The following TRPV4 variants were observed in gnomAD, a reference collection of about 807,000 sequenced individuals.
TRPV4 encodes the protein OSM9-like transient receptor potential channel 4.
In TRPV4, 58 loss-of-function variants were observed where a neutral mutation model predicts 84.1. That is an observed-to-expected ratio of 0.69 (90% CI 0.56 to 0.86). The LOEUF (loss-of-function observed/expected upper bound fraction) is 0.86, where lower values mean the gene tolerates loss of function less well. TRPV4 is among the 40% of genes least tolerant of loss of function. TRPV4 has a pLI of 0.00. For synonymous variants in TRPV4, 489 were observed against 500.9 expected, an observed-to-expected ratio of 0.98 and a Z score of 0.32; for missense variants, 879 against 1,181.1, an observed-to-expected ratio of 0.74 and a Z score of 3.75.
In TRPV4 at chr12:109,786,703, G is replaced by C; in HGVS notation, c.2336+7C>G. 1 of 1,613,590 alleles carries C rather than the reference G, an allele frequency of 6.2e-7. No individual in the cohort carries two copies. The highest frequency in any genetic ancestry group is 8.5e-7 in the Non-Finnish European group (1 of 1,180,010). ...CTGCCATCCTGGCCCCACTGCCCCA[G>C]CCTCACCTGAAGCACCACCTGCGGT... On this transcript the variant is annotated splice_region_variant and intron_variant, in intron 14 of 15. Transcript: ENST00000261740. The surrounding 1 kb of genome is among the most constrained non-coding windows in gnomAD (Gnocchi z 4.5).
intron 1 of TRPV4, among the ~76,000 whole-genome samples, chr12:109,823,846 C>CAG (rs1892176664): frequency 6.6e-6 from 1 of 152,196 alleles, no homozygotes; most frequent in Non-Finnish European, 1.5e-5. Context: ...TGACCTCAGG[C>CAG]AGGTCACTTC....
chr12:109,805,181 T>G (rs1565876461), intron 3 of TRPV4, among the ~76,000 whole-genome samples: 1 of 152,278 alleles, frequency 6.6e-6, no homozygotes, highest in East Asian at 1.9e-4. Flanking sequence ...ATGTCTGCTT[T>G]GCTCACTATC....
At chr12:109,825,511 TG>T (rs1489073503) in intron 1 of TRPV4, among the ~76,000 whole-genome samples, 1 of 152,114 alleles carries the variant, frequency 6.6e-6, no homozygotes, top group African/African-American at 2.4e-5. Flanking sequence ...ATGATGACAT[TG>T]AGGTCCAGGG....
intron 1 of TRPV4, among the ~76,000 whole-genome samples, chr12:109,829,719 T>C (rs1892361024): frequency 6.6e-6 from 1 of 152,184 alleles, no homozygotes. Context: ...CAGGAGGAAA[T>C]GGAAGCCCAG....
chr12:109,793,599 A>G lies in TRPV4; in HGVS notation c.1586T>C (p.Ile529Thr), dbSNP rs976191720. 1.1e-5 allele frequency: 18 copies of G among 1,613,730 alleles called. No homozygotes were observed. The highest frequency in any genetic ancestry group is 1.4e-5 in the Non-Finnish European group (16 of 1,179,850). ...GCATTTCTTCATGAACAAGTCTTTG[A>G]TCTGGAAGACAGGAGGGGGCACGTG... is the stretch of plus-strand genomic sequence containing the variant. ...FTGVLFFFTN[I>T]KDLFMKKCPG... The change falls in exon 10 of 16, where the codon ATC becomes ACC. Residue 529 changes from isoleucine (I) to threonine (T), a missense_variant and splice_region_variant. This residue lies in a region of TRPV4 where 521 missense variants were observed against 686.6 expected (regional missense o/e 0.76). Coordinates refer to ENST00000261740, the MANE Select transcript of TRPV4 (RefSeq NM_021625.5). This position sits in a 1 kb window ranked among gnomAD's most constrained non-coding sequence, Gnocchi z 4.0.
rs1296310092 is a variant in TRPV4 at position 109,786,947 on chromosome 12, T to G, written c.2209-110A>C. ...CCAGGGTGGGCCCAGAACTAGGCAT[T>G]TAGACTCCTACTCCCCACTAGACAC... On this transcript the variant is annotated intron_variant, in intron 13 of 15. Coordinates refer to ENST00000261740, the MANE Select transcript of TRPV4 (RefSeq NM_021625.5). The surrounding 1 kb of genome is among the most constrained non-coding windows in gnomAD (Gnocchi z 4.5). 1.4e-5 allele frequency: 20 copies of G among 1,468,908 alleles called. No homozygotes were observed. The highest frequency in any genetic ancestry group is 1.8e-5 in the Admixed American group (1 of 54,438). The allele number at this position is 1,468,908 out of a possible 1,614,324, so 91.0% of individuals were successfully genotyped here.
chr12:109,822,815 A>G (rs1046177654), intron 1 of TRPV4, among the ~76,000 whole-genome samples: 2 of 152,234 alleles, frequency 1.3e-5, no homozygotes, highest in Admixed American at 1.3e-4. Context: ...CGTGAGGGTT[A>G]CATGAGATAA....
rs911187032 is a variant in TRPV4 at position 109,793,454 on chromosome 12, G to C, written c.1658+73C>G. The C allele has an allele frequency of 3.8e-6, 5 of 1,310,338 alleles. No individual in the cohort carries two copies. The African/African-American group carries it at 5.8e-5, about 15-fold the overall frequency. The allele number at this position is 1,310,338 out of a possible 1,614,324, so 81.2% of individuals were successfully genotyped here. The stretch of plus-strand genomic sequence containing the variant: ...TTTCTAACAGAATCACCTCTCTCCT[G>C]AATCTGGACGACCTAGCAGCCCAAA... On this transcript the variant is annotated intron_variant, in intron 10 of 15. Coordinates refer to ENST00000261740, the MANE Select transcript of TRPV4 (RefSeq NM_021625.5). The surrounding 1 kb of genome is among the most constrained non-coding windows in gnomAD (Gnocchi z 4.0).
intron 1 of TRPV4, among the ~76,000 whole-genome samples, chr12:109,829,532 C>A (rs1343528295): frequency 6.6e-6 from 1 of 152,262 alleles, no homozygotes; most frequent in Admixed American, 6.5e-5. Flanking sequence ...ACCCACCCAC[C>A]TGGCATGGAG....
chr12:109,818,913 C>T (rs150524219), intron 1 of TRPV4, among the ~76,000 whole-genome samples: 386 of 152,286 alleles, frequency 2.5e-3, no homozygotes, highest in African/African-American at 9.0e-3. Context: ...CAAAGCTAGG[C>T]TATTGCTCCC....
Position 109,796,442 on chromosome 12 carries a change from C to CTACT in TRPV4, c.1332+82_1332+83insAGTA. The CTACT allele has an allele frequency of 6.5e-7, 1 of 1,536,288 alleles. No homozygotes were observed. Among genetic ancestry groups the CTACT allele is most frequent in the Non-Finnish European group, 8.9e-7 (1 of 1,123,442 alleles). On this transcript the variant is annotated intron_variant, in intron 7 of 15. Transcript: ENST00000261740. The surrounding 1 kb of genome is among the most constrained non-coding windows in gnomAD (Gnocchi z 4.2). Reference sequence around the variant, plus strand: ...GGGTCCTAGAGGCTGGGGCTGTCTCCCCCAGCCCAGCCCCAGGGCCCTGTC... The same window carrying CTACT: ...GGGTCCTAGAGGCTGGGGCTGTCTCCTACTCCCAGCCCAGCCCCAGGGCCCTGTC...
chr12:109,828,171 C>A (rs145382176), intron 1 of TRPV4, among the ~76,000 whole-genome samples: 92 of 152,312 alleles, frequency 6.0e-4, no homozygotes, highest in Non-Finnish European at 8.8e-4. Flanking sequence ...TCCCCTGAGC[C>A]CCCGCCTCCT....
At chr12:109,809,463 T>C (rs981234622) in intron 2 of TRPV4, among the ~76,000 whole-genome samples, 27 of 147,290 alleles carry the variant, frequency 1.8e-4, no homozygotes, top group African/African-American at 6.8e-4. Context: ...CATCCATCCA[T>C]CCATCCATCA....
rs1418622378 is a variant in TRPV4, at chr12:109,783,631, G to A, written c.2606C>T (p.Ala869Val). The change falls in exon 16 of 16, where the codon GCC becomes GTC. Residue 869 changes from alanine (A) to valine (V), a missense_variant. Ala to Val is a moderately conservative substitution (Grantham distance 64). This residue lies in a region of TRPV4 where 242 missense variants were observed against 355.3 expected (regional missense o/e 0.68). Transcript: ENST00000261740. The surrounding 1 kb of genome is among the most constrained non-coding windows in gnomAD (Gnocchi z 4.6). ...GYPRKWRTDD[A>V]PL Reference sequence around the variant, plus strand: ...GCTGGGCTGCAGTCCCTAGAGCGGGGCGTCATCAGTCCTCCACTTGCGGGG... The same window carrying A: ...GCTGGGCTGCAGTCCCTAGAGCGGGACGTCATCAGTCCTCCACTTGCGGGG... 6.2e-7 allele frequency: 1 copy of A among 1,613,690 alleles called. No individual in the cohort carries two copies. Among genetic ancestry groups the A allele is most frequent in the East Asian group, 2.2e-5 (1 of 44,880 alleles).
chr12:109,794,631 A>G, intron 7 of TRPV4, 144 bp from the exon 8 acceptor site: 3 of 864,302 alleles, frequency 3.5e-6, no homozygotes, highest in Non-Finnish European at 5.7e-6. Context: ...TCACGGATTC[A>G]TGAATGGATT....
chr12:109,811,249 C>G (rs1313785374), intron 2 of TRPV4, among the ~76,000 whole-genome samples: 1 of 152,232 alleles, frequency 6.6e-6, no homozygotes, highest in East Asian at 1.9e-4. Flanking sequence ...CTACTTGCTT[C>G]TTGTCTGTCT....
intron 1 of TRPV4, among the ~76,000 whole-genome samples, chr12:109,820,801 G>A (rs1892070397): frequency 6.6e-6 from 1 of 152,112 alleles, no homozygotes; most frequent in Admixed American, 6.6e-5. Context: ...GGGATTATAG[G>A]CGTGAGCCAC....
At chr12:109,807,132 C>T (rs749975849) in intron 3 of TRPV4, among the ~76,000 whole-genome samples, 2 of 151,776 alleles carry the variant, frequency 1.3e-5, no homozygotes, top group Non-Finnish European at 2.9e-5. Context: ...CAAAATTAGC[C>T]GGGCGTGGTG....
At chr12:109,803,504 A>G (rs961895507) in intron 3 of TRPV4, among the ~76,000 whole-genome samples, 4 of 152,076 alleles carry the variant, frequency 2.6e-5, no homozygotes, top group South Asian at 2.1e-4. Context: ...AGCCTGGGGT[A>G]TAGTTGTGCA....
Sources: allele counts gnomAD v4.1 joint callset (sites outside exome capture counted in the v4.1 genomes callset), GRCh38; gene constraint gnomAD v4.1.1; regional missense constraint gnomAD v4.1.1; non-coding constraint Gnocchi (gnomAD v3.1); transcripts MANE v1.5; gene names NCBI Gene and HGNC (gene_info 2026-07-23, HGNC 2026-07-21).